The following CDH18 variants were observed in gnomAD, a reference collection of about 807,000 sequenced individuals.
The protein encoded by CDH18 is cadherin 18, also known as cadherin-18.
CDH18 carries 31 observed loss-of-function variants against 67.9 expected under a neutral mutation model. The observed-to-expected ratio is 0.46, with a 90% CI of 0.34 to 0.62. CDH18 has a LOEUF of 0.62. Among genes scored for constraint, CDH18 ranks in the 20% least tolerant of loss-of-function variants. The pLI, the probability that CDH18 is intolerant of heterozygous loss-of-function variation, is 0.01. For synonymous variants in CDH18, 362 were observed against 347.2 expected (o/e 1.04, Z -0.48); for missense variants, 890 against 975.5 (o/e 0.91, Z 1.17).
intron 3 of CDH18, among the ~76,000 whole-genome samples, chr5:19,750,446 A>C (rs2149666066): frequency 6.6e-6 from 1 of 152,298 alleles, no homozygotes; most frequent in Non-Finnish European, 1.5e-5. Context: ...GGGTAGTTGC[A>C]GACACAGAAA....
chr5:19,611,408 G>A (rs1310009192), intron 6 of CDH18, among the ~76,000 whole-genome samples: 1 of 152,170 alleles, frequency 6.6e-6, no homozygotes, highest in Non-Finnish European at 1.5e-5. Context: ...AGGAACTTCA[G>A]AGAAACTTGT....
intron 2 of CDH18, among the ~76,000 whole-genome samples, chr5:20,117,155 G>T (rs982926969): frequency 1.3e-5 from 2 of 151,840 alleles, no homozygotes; most frequent in Non-Finnish European, 2.9e-5. Context: ...ATTTATATTC[G>T]TAAAGTTTAA....
chr5:20,030,942 AC>A (rs1739340753), intron 2 of CDH18, among the ~76,000 whole-genome samples: 1 of 152,130 alleles, frequency 6.6e-6, no homozygotes, highest in Admixed American at 6.6e-5. Context: ...GGAATAATTG[AC>A]TATTTAAATA....
chr5:20,340,333 T>C (rs1740153831), intron 1 of CDH18, among the ~76,000 whole-genome samples: 1 of 152,144 alleles, frequency 6.6e-6, no homozygotes, highest in Non-Finnish European at 1.5e-5. Context: ...CCACCTCGTC[T>C]TTTACAACAG....
intron 3 of CDH18, among the ~76,000 whole-genome samples, chr5:19,782,206 G>A (rs1376005932): frequency 6.6e-6 from 1 of 152,104 alleles, no homozygotes; most frequent in Non-Finnish European, 1.5e-5. Context: ...CAATCATGGT[G>A]GAAGGCACCT....
At chr5:19,886,756 G>C (rs1286379812) in intron 2 of CDH18, among the ~76,000 whole-genome samples, 2 of 152,146 alleles carry the variant, frequency 1.3e-5, no homozygotes, top group African/African-American at 4.8e-5. Flanking sequence ...CCAGTATCCA[G>C]ATGTCTACAC....
In CDH18 at chr5:19,794,230, T is replaced by C. The variant is rs146253946; in HGVS notation, c.228+44529A>G. 8.1e-3 allele frequency among the ~76,000 whole-genome samples: 1,226 copies of C among 152,254 alleles called. 6 individuals are homozygous for C. The highest frequency in any genetic ancestry group is 0.017 in the African/African-American group (724 of 41,560). On this transcript the variant is annotated intron_variant, in intron 3 of 12. Transcript: ENST00000382275. ...CAGAGAGGTGGTAAAATGTTATTTC[T>C]GAATGTGTCTGTGAGAGTATTTCCA...
chr5:20,299,343 G>A (rs1308158935), intron 1 of CDH18, among the ~76,000 whole-genome samples: 3 of 150,196 alleles, frequency 2.0e-5, no homozygotes, highest in African/African-American at 7.3e-5. Context: ...TTTGATCCAA[G>A]TAACTAGAAG....
chr5:20,155,489 T>C (rs1397668411), intron 2 of CDH18, among the ~76,000 whole-genome samples: 1 of 152,132 alleles, frequency 6.6e-6, no homozygotes, highest in Non-Finnish European at 1.5e-5. Flanking sequence ...CTTTGTTGGA[T>C]GTATTTGCAA....
At chr5:20,544,265 T>C (rs1454015200) in intron 1 of CDH18, among the ~76,000 whole-genome samples, 4 of 151,928 alleles carry the variant, frequency 2.6e-5, no homozygotes, top group African/African-American at 9.7e-5. Context: ...TGCATGTGGG[T>C]TAATAGAGGA....
Position 19,960,561 on chromosome 5 carries a change from ATGTGTG to A in CDH18, c.-257+20493_-257+20498del, listed in dbSNP as rs146985982. On this transcript the variant is annotated intron_variant, in intron 2 of 12. Coordinates refer to ENST00000382275, the MANE Select transcript of CDH18 (RefSeq NM_004934.5). ...GTTTAATATACGTGTGTGTGTGTGT[ATGTGTG>A]TGTGTGTGTGTGTGTGTGTGTGTAT... Among the ~76,000 whole-genome samples the A allele has an allele frequency of 1.3e-3, 159 of 121,514 alleles. 4 individuals are homozygous for A. The highest frequency in any genetic ancestry group is 5.1e-3 in the Middle Eastern group (1 of 198). The allele number at this position is 121,514 out of a possible 152,430, so 79.7% of individuals were successfully genotyped here.
Position 20,472,080 on chromosome 5 carries a change from C to T in CDH18, c.-580+103382G>A, listed in dbSNP as rs377667537. ...TCTTTAATATGTGCATATTTTCTAA[C>T]GAATTCTAATTTATGGAATAGTTTT... is the stretch of plus-strand genomic sequence containing the variant. On this transcript the variant is annotated intron_variant, in intron 1 of 14. Coordinates refer to the CDH18 transcript ENST00000507958. Among the ~76,000 whole-genome samples, 15 of 152,276 alleles carry T rather than the reference C, an allele frequency of 9.9e-5. No homozygotes were observed. The South Asian group carries it at 2.7e-3, about 27-fold the overall frequency.
At chr5:20,108,194 C>G (rs1430037640) in intron 2 of CDH18, among the ~76,000 whole-genome samples, 1 of 152,190 alleles carries the variant, frequency 6.6e-6, no homozygotes, top group Non-Finnish European at 1.5e-5. Flanking sequence ...ATTCTCATGC[C>G]TCAGCTTCCC....
intron 2 of CDH18, among the ~76,000 whole-genome samples, chr5:19,944,796 G>A (rs536457978): frequency 9.2e-5 from 14 of 152,180 alleles, no homozygotes; most frequent in African/African-American, 2.9e-4. Flanking sequence ...TGACACAATA[G>A]ACAGCCATAA....
upstream of CDH18, among the ~76,000 whole-genome samples, chr5:19,992,449 T>TAA (rs548977890): frequency 4.7e-5 from 6 of 128,718 alleles, no homozygotes; most frequent in Admixed American, 8.0e-5. Context: ...ATGCCAGACT[T>TAA]AAAAAAAAAA....
chr5:19,588,127 T>G (rs556476955), intron 7 of CDH18, among the ~76,000 whole-genome samples: 2 of 152,154 alleles, frequency 1.3e-5, no homozygotes, highest in East Asian at 3.9e-4. Context: ...GATTTTTGCA[T>G]ATTGATGTTG....
At chr5:19,718,538 C>T (rs1338221494) in intron 5 of CDH18, among the ~76,000 whole-genome samples, 1 of 151,954 alleles carries the variant, frequency 6.6e-6, no homozygotes, top group Non-Finnish European at 1.5e-5. Context: ...GGTTTTTAAG[C>T]ACAAATTGCC....
chr5:19,673,319 AT>A lies in CDH18; in HGVS notation c.643+48027del, dbSNP rs539345524. Among the ~76,000 whole-genome samples the A allele has an allele frequency of 4.2e-4, 64 of 152,134 alleles. 2 individuals carry two copies. The South Asian group carries it at 0.013, about 31-fold the overall frequency. On this transcript the variant is annotated intron_variant, in intron 5 of 12. Transcript: ENST00000382275. ...TCACAATAACCATTTAAAACAGATA[AT>A]TTACATGTTTGTAAGCTATTTATTT...
chr5:20,555,408 CTTTTTTTTTTTTTTTTTTTTTTTTTTTT>C (rs774396694), intron 1 of CDH18, among the ~76,000 whole-genome samples: 7 of 103,660 alleles, frequency 6.8e-5, no homozygotes, highest in Non-Finnish European at 9.4e-5. Flanking sequence ...ACAAGCTTTT[CTTTTTTTTTTTTTTTTTTTTTTTTTTTT>C]TTTTTTTTTT....
Sources: allele counts gnomAD v4.1 joint callset (sites outside exome capture counted in the v4.1 genomes callset), GRCh38; gene constraint gnomAD v4.1.1; transcripts MANE v1.5; gene names NCBI Gene and HGNC (gene_info 2026-07-23, HGNC 2026-07-21).